Variants in MPDZ observed in about 807,000 individuals in gnomAD.
The protein encoded by MPDZ is multiple PDZ domain crumbs cell polarity complex component, also known as multiple PDZ domain protein.
MPDZ carries 234 observed loss-of-function variants against 239.1 expected under a neutral mutation model. The observed-to-expected ratio is 0.98, with a 90% CI of 0.88 to 1.09. The LOEUF (loss-of-function observed/expected upper bound fraction) is 1.09. Among genes scored for constraint, MPDZ ranks in the 50% least tolerant of loss-of-function variants. MPDZ has a pLI of 0.00. For synonymous variants in MPDZ, 1,048 were observed against 881.3 expected, an observed-to-expected ratio of 1.19 and a Z score of -3.35; for missense variants, 3,175 against 2,510.0, an observed-to-expected ratio of 1.26 and a Z score of -5.66.
Position 13,206,029 on chromosome 9 carries a change from G to A in MPDZ, c.1361C>T (p.Thr454Ile). Reference sequence around the variant, plus strand: ...TCTCCTCATTAGTGTCAGGAGCACAGTTTGTCCTGTATGTCGCAATACCTC... The same window carrying A: ...TCTCCTCATTAGTGTCAGGAGCACAATTTGTCCTGTATGTCGCAATACCTC... ...AVEVLRHTGQ[T>I]VLLTLMRRGM... Residue 454 changes from threonine (T) to isoleucine (I), a missense_variant, in exon 11 of 47, where the codon ACT (threonine) becomes ATT (isoleucine). Coordinates refer to ENST00000319217, the MANE Select transcript of MPDZ (RefSeq NM_001378778.1). The A allele has an allele frequency of 6.2e-7, 1 of 1,612,046 alleles. No individual in the cohort carries two copies. The highest frequency in any genetic ancestry group is 1.1e-5 in the South Asian group (1 of 90,978).
chr9:13,208,666 G>GAT (rs200037839), intron 10 of MPDZ, among the ~76,000 whole-genome samples: 14 of 148,316 alleles, frequency 9.4e-5, no homozygotes, highest in East Asian at 7.8e-4. Context: ...GTTTATATAG[G>GAT]ATATATATAT....
chr9:13,146,745 G>T (rs1948488189), intron 26 of MPDZ, among the ~76,000 whole-genome samples: 1 of 151,872 alleles, frequency 6.6e-6, no homozygotes, highest in Admixed American at 6.6e-5. Context: ...ACTGCTGCAT[G>T]TGAATTTTTT....
At chr9:13,109,815 T>C (rs1942119095) in intron 45 of MPDZ, 137 bp downstream of exon 45, 1 of 676,286 alleles carries the variant, frequency 1.5e-6, no homozygotes, top group Non-Finnish European at 2.5e-6. Context: ...GCACCTGATA[T>C]GTATAATTCA....
At chr9:13,267,987 C>T (rs34459333) in intron 1 of MPDZ, among the ~76,000 whole-genome samples, 4,201 of 152,166 alleles carry the variant, frequency 0.028, 77 homozygotes, top group Non-Finnish European at 0.04. Context: ...GAGTCACTTT[C>T]CTTGTGACTC....
chr9:13,224,288 C>G (rs1331612193), intron 4 of MPDZ, 86 bp downstream of exon 4: 5 of 1,247,418 alleles, frequency 4.0e-6, no homozygotes, highest in Non-Finnish European at 5.6e-6. Flanking sequence ...ATAAATGTCA[C>G]TATATTCTTC....
rs138547279 is a variant in MPDZ, at chr9:13,198,727, A to ATC, written c.1547-2499_1547-2498dup. Among the ~76,000 whole-genome samples the ATC allele has an allele frequency of 5.8e-3, 467 of 81,202 alleles. 14 individuals carry two copies. Among genetic ancestry groups the ATC allele is most frequent in the South Asian group, 8.5e-3 (19 of 2,238 alleles). 53.3% of individuals were successfully genotyped at this position (81,202 alleles called of 152,430 possible). A position where few individuals can be genotyped will look rare whatever the true frequency, so the allele number is the denominator to read the frequency against. The stretch of plus-strand genomic sequence containing the variant: ...TTCAGTTCTTATATTTAGGTCTTTA[A>ATC]TCTCTCTCTCTGTGTGTGTGTGTGT... On this transcript the variant is annotated intron_variant, in intron 12 of 46. Coordinates refer to ENST00000319217, the MANE Select transcript of MPDZ (RefSeq NM_001378778.1).
At chr9:13,108,315 A>G (rs908024748) in intron 46 of MPDZ, among the ~76,000 whole-genome samples, 1 of 152,064 alleles carries the variant, frequency 6.6e-6, no homozygotes, top group Non-Finnish European at 1.5e-5. Flanking sequence ...CAATATCTTT[A>G]TTCTTATTCT....
chr9:13,187,937 T>C (rs1420304843), intron 17 of MPDZ, among the ~76,000 whole-genome samples: 2 of 152,154 alleles, frequency 1.3e-5, no homozygotes, highest in Non-Finnish European at 1.5e-5. Flanking sequence ...AATTTATGAT[T>C]TGGGAGCTAT....
In MPDZ at chr9:13,125,181, T is replaced by C. The variant is rs375944825; in HGVS notation, c.4807+35A>G. 2.5e-5 allele frequency: 38 copies of C among 1,493,610 alleles called. No individual in the cohort carries two copies. In the South Asian group the frequency reaches 2.8e-4, roughly 11 times the overall value. 92.5% of individuals were successfully genotyped at this position (1,493,610 alleles called of 1,614,324 possible). On this transcript the variant is annotated intron_variant, in intron 35 of 46. Coordinates refer to ENST00000319217, the MANE Select transcript of MPDZ (RefSeq NM_001378778.1). Reference sequence around the variant, plus strand: ...CCCTCTGCTGAGTTCAGGTGTTCCATATGTGCAGGACTCTCATGAGTCCAG... The same window carrying C: ...CCCTCTGCTGAGTTCAGGTGTTCCACATGTGCAGGACTCTCATGAGTCCAG...
At chr9:13,116,563 G>T (rs1943481964) in intron 39 of MPDZ, among the ~76,000 whole-genome samples, 1 of 151,984 alleles carries the variant, frequency 6.6e-6, no homozygotes, top group African/African-American at 2.4e-5. Flanking sequence ...TATTTGTTTG[G>T]TTTGGGGTTT....
chr9:13,177,799 A>T (rs1587546160), intron 19 of MPDZ, among the ~76,000 whole-genome samples: 1 of 152,170 alleles, frequency 6.6e-6, no homozygotes, highest in Admixed American at 6.6e-5. Context: ...TTTTGGGAGG[A>T]CAGAGAGTAT....
chr9:13,138,093 T>G lies in MPDZ; in HGVS notation c.4064A>C (p.Lys1355Thr), dbSNP rs1382871640. The change falls in exon 29 of 47, where the codon AAA (lysine) becomes ACA (threonine). Residue 1355 changes from lysine (K) to threonine (T), a missense_variant. By Grantham distance (78) the Lys-to-Thr change is moderately conservative. Coordinates refer to ENST00000319217, the MANE Select transcript of MPDZ (RefSeq NM_001378778.1). ...TGELHMIELE[K>T]GHSGLGLSLA... ...ACTTAGGCCCAAACCACTATGACCT[T>G]TCTCCAGTTCAATCATATGCAGCTC... 1 of 1,613,144 alleles carries G rather than the reference T, an allele frequency of 6.2e-7. No individual in the cohort carries two copies. Among genetic ancestry groups the G allele is most frequent in the Admixed American group, 1.7e-5 (1 of 59,926 alleles).
chr9:13,260,087 C>A (rs993831158), intron 1 of MPDZ, among the ~76,000 whole-genome samples: 2 of 151,916 alleles, frequency 1.3e-5, no homozygotes, highest in African/African-American at 4.8e-5. Flanking sequence ...AGTGATCCAC[C>A]CACCTAGGCC....
At chr9:13,203,800 A>C (rs542342127) in intron 12 of MPDZ, among the ~76,000 whole-genome samples, 1 of 151,300 alleles carries the variant, frequency 6.6e-6, no homozygotes, top group East Asian at 2.0e-4. Context: ...AGAGAGAGGG[A>C]TTTCTCATTA....
At chr9:13,138,336 A>C (rs916478579) in intron 28 of MPDZ, among the ~76,000 whole-genome samples, 183 bp from the exon 29 acceptor site, 1 of 152,178 alleles carries the variant, frequency 6.6e-6, no homozygotes, top group East Asian at 1.9e-4. Context: ...GGAGGACCCA[A>C]ACTTTGAGGA....
chr9:13,180,208 TATG>T (rs1386793599), intron 19 of MPDZ, among the ~76,000 whole-genome samples: 2 of 152,158 alleles, frequency 1.3e-5, no homozygotes, highest in Non-Finnish European at 2.9e-5. Context: ...AATAATATTT[TATG>T]CTAGACAATG....
chr9:13,230,598 G>C (rs1749449997), intron 3 of MPDZ, among the ~76,000 whole-genome samples: 1 of 152,062 alleles, frequency 6.6e-6, no homozygotes, highest in Non-Finnish European at 1.5e-5. Flanking sequence ...ATGAATTAAA[G>C]GTTGCCAGGG....
At chr9:13,170,977 C>T (rs1951709241) in intron 21 of MPDZ, among the ~76,000 whole-genome samples, 1 of 152,082 alleles carries the variant, frequency 6.6e-6, no homozygotes, top group African/African-American at 2.4e-5. Flanking sequence ...ATCCCAAATC[C>T]CAAATCCCAA....
chr9:13,229,791 G>A (rs1224575748), intron 3 of MPDZ, among the ~76,000 whole-genome samples: 1 of 152,032 alleles, frequency 6.6e-6, no homozygotes, highest in East Asian at 1.9e-4. Flanking sequence ...AATTTGTAGA[G>A]CTTTAAATAT....
Sources: gnomAD v4.1 joint callset for allele counts (sites outside exome capture counted in the v4.1 genomes callset) on GRCh38, gnomAD v4.1.1 for gene constraint, MANE v1.5 for transcripts, NCBI Gene and HGNC (gene_info 2026-07-23, HGNC 2026-07-21) for gene names.